RBFOX1: variants seen among roughly 807,000 people sequenced by gnomAD.
The protein encoded by RBFOX1 is RNA binding fox-1 homolog 1.
In RBFOX1, 8 loss-of-function variants were observed where a neutral mutation model predicts 57.7. The ratio of observed to expected loss-of-function variants is 0.14; its 90% CI spans 0.08 to 0.25. The LOEUF (loss-of-function observed/expected upper bound fraction) is 0.25, where lower values mean the gene tolerates loss of function less well. RBFOX1 is among the 10% of genes least tolerant of loss of function. RBFOX1 has a pLI of 1.00. For missense variants in RBFOX1, 611 were observed against 548.5 expected (o/e 1.11, Z -1.14); for synonymous variants, 326 against 222.4 (o/e 1.47, Z -4.15).
In RBFOX1 at chr16:6,531,413, C is replaced by G. The variant is rs571671208; in HGVS notation, c.-63-123190C>G. 7.9e-5 allele frequency among the ~76,000 whole-genome samples: 12 copies of G among 152,312 alleles called. No homozygotes were observed. The East Asian group carries it at 1.9e-3, about 24-fold the overall frequency. ...CATAGGATCAGTTTTCTTAAGACAT[C>G]TTACTCGTTGCTAGATTGTTCCTAA... On this transcript the variant is annotated intron_variant, in intron 2 of 15. Coordinates refer to ENST00000550418, the MANE Select transcript of RBFOX1 (RefSeq NM_018723.4).
intron 3 of RBFOX1, among the ~76,000 whole-genome samples, chr16:5,795,026 T>A (rs1208222791): frequency 6.6e-6 from 1 of 152,164 alleles, no homozygotes; most frequent in Non-Finnish European, 1.5e-5. Context: ...TAACTTTTCT[T>A]CTCCCCAGTT....
chr16:7,481,150 C>T (rs921692193), intron 4 of RBFOX1, among the ~76,000 whole-genome samples: 27 of 152,150 alleles, frequency 1.8e-4, no homozygotes, highest in African/African-American at 6.5e-4. Flanking sequence ...GATGGTGCTA[C>T]ATACTCCGCA....
intron 4 of RBFOX1, among the ~76,000 whole-genome samples, chr16:7,342,318 A>T (rs77650928): frequency 6.6e-6 from 1 of 152,044 alleles, no homozygotes. Flanking sequence ...TGGGCTTCCA[A>T]CTCAGATCTT....
At chr16:7,458,852 A>G (rs2059027043) in intron 4 of RBFOX1, among the ~76,000 whole-genome samples, 1 of 152,128 alleles carries the variant, frequency 6.6e-6, no homozygotes, top group Non-Finnish European at 1.5e-5. Flanking sequence ...ACCATTTGAC[A>G]TACTATGTAT....
At chr16:5,724,856 G>C (rs1016500763) in intron 3 of RBFOX1, among the ~76,000 whole-genome samples, 1 of 152,268 alleles carries the variant, frequency 6.6e-6, no homozygotes, top group East Asian at 1.9e-4. Context: ...AAAAATGAAA[G>C]TTACCATGAG....
intron 4 of RBFOX1, among the ~76,000 whole-genome samples, chr16:7,207,738 C>A (rs999800656): frequency 1.3e-5 from 2 of 152,160 alleles, no homozygotes; most frequent in Non-Finnish European, 2.9e-5. Flanking sequence ...CAGTTGCCTC[C>A]AACACAGCCA....
chr16:6,968,557 A>G (rs2084806753), intron 3 of RBFOX1, among the ~76,000 whole-genome samples: 1 of 152,122 alleles, frequency 6.6e-6, no homozygotes, highest in Non-Finnish European at 1.5e-5. Flanking sequence ...GAAGTCTGGC[A>G]GGGAAAGTCT....
At chr16:5,971,751 A>G (rs934441558) in intron 4 of RBFOX1, among the ~76,000 whole-genome samples, 1 of 152,310 alleles carries the variant, frequency 6.6e-6, no homozygotes, top group East Asian at 1.9e-4. Context: ...TGTTGACTTC[A>G]TGGTTAATTT....
intron 3 of RBFOX1, among the ~76,000 whole-genome samples, chr16:5,644,428 G>T (rs953302164): frequency 6.6e-6 from 1 of 152,192 alleles, no homozygotes; most frequent in Non-Finnish European, 1.5e-5. Context: ...CTCTAAGTCT[G>T]TGTTAAAGGC....
intron 3 of RBFOX1, among the ~76,000 whole-genome samples, chr16:6,999,870 G>C (rs1201166932): frequency 6.6e-6 from 1 of 152,012 alleles, no homozygotes; most frequent in Non-Finnish European, 1.5e-5. Context: ...TCAGGAGTTT[G>C]AGAGCAGCCT....
intron 2 of RBFOX1, among the ~76,000 whole-genome samples, chr16:6,621,059 G>A (rs1286963741): frequency 6.6e-6 from 1 of 152,220 alleles, no homozygotes; most frequent in Admixed American, 6.5e-5. Flanking sequence ...GGGACTGCCA[G>A]CAATCCTTGG....
chr16:7,082,419 A>G (rs1045826083), intron 4 of RBFOX1, among the ~76,000 whole-genome samples: 11 of 151,952 alleles, frequency 7.2e-5, no homozygotes, highest in African/African-American at 2.7e-4. Flanking sequence ...TGCATCTACC[A>G]AAAATATCAA....
At chr16:7,114,449 G>C (rs2065449640) in intron 4 of RBFOX1, among the ~76,000 whole-genome samples, 1 of 152,152 alleles carries the variant, frequency 6.6e-6, no homozygotes, top group African/African-American at 2.4e-5. Context: ...CGTGCAGTCT[G>C]CATGAAAGCA....
At chr16:6,336,742 A>G (rs1349685289) in intron 2 of RBFOX1, among the ~76,000 whole-genome samples, 1 of 152,188 alleles carries the variant, frequency 6.6e-6, no homozygotes, top group East Asian at 1.9e-4. Context: ...TTTGCACAGC[A>G]GGACAGGCTA....
intron 2 of RBFOX1, among the ~76,000 whole-genome samples, chr16:6,551,657 A>T (rs540076826): frequency 2.0e-5 from 3 of 152,324 alleles, no homozygotes; most frequent in African/African-American, 7.2e-5. Context: ...TTGCCTGGGA[A>T]TGTGTAGCTA....
At position 5,677,538 on chromosome 16, in the gene RBFOX1, A is replaced by T. The variant is rs8058127; in HGVS notation, c.318+78577A>T. Among the ~76,000 whole-genome samples the T allele has an allele frequency of 1.9e-3, 286 of 152,352 alleles. 2 individuals carry two copies. Among genetic ancestry groups the T allele is most frequent in the African/African-American group, 6.6e-3 (274 of 41,586 alleles). On this transcript the variant is annotated intron_variant, in intron 3 of 19. Coordinates refer to the RBFOX1 transcript ENST00000641259. ...CTCATGTTGCTTTGATTTGAAGTCA[A>T]GTTTGAAAGAAATTCACCGGACCAA...
chr16:7,106,388 T>G (rs1035936939), intron 4 of RBFOX1, among the ~76,000 whole-genome samples: 7 of 152,156 alleles, frequency 4.6e-5, no homozygotes, highest in Non-Finnish European at 8.8e-5. Context: ...TTGAAAAATA[T>G]TTTACAGCTC....
chr16:6,783,191 C>G (rs577719985), intron 3 of RBFOX1, among the ~76,000 whole-genome samples: 6 of 151,960 alleles, frequency 3.9e-5, no homozygotes, highest in African/African-American at 9.6e-5. Flanking sequence ...ATTTATTCAG[C>G]TAGTCTGCCT....
Position 7,181,554 on chromosome 16 carries a change from TCTCTCTTTCTCTCTTC to T in RBFOX1, c.27+129468_27+129483del, listed in dbSNP as rs894809249. Among the ~76,000 whole-genome samples the T allele has an allele frequency of 3.6e-4, 55 of 151,560 alleles. 1 individual carries two copies. The East Asian group carries it at 0.011, about 29-fold the overall frequency. On this transcript the variant is annotated intron_variant, in intron 4 of 15. Coordinates refer to ENST00000550418, the MANE Select transcript of RBFOX1 (RefSeq NM_018723.4). ...CCTTGCTCTCTCTCTCTTTCTCTCA[TCTCTCTTTCTCTCTTC>T]CTCTCTTTCTCGCTTGCTTGCTTGC...
Sources: gnomAD v4.1 joint callset for allele counts (sites outside exome capture counted in the v4.1 genomes callset) on GRCh38, gnomAD v4.1.1 for gene constraint, MANE v1.5 for transcripts, NCBI Gene and HGNC (gene_info 2026-07-23, HGNC 2026-07-21) for gene names.